Variants in LGALS4 observed in about 807,000 individuals in gnomAD.
The protein encoded by LGALS4 is galectin 4.
A neutral mutation model predicts 39.6 loss-of-function variants in LGALS4; 37 were observed. The ratio of observed to expected loss-of-function variants is 0.93; its 90% CI spans 0.72 to 1.23. The LOEUF (loss-of-function observed/expected upper bound fraction) is 1.23. LGALS4 is among the 50% of genes most tolerant of loss of function. The pLI is 0.00. For synonymous variants in LGALS4, 160 were observed against 165.5 expected, an observed-to-expected ratio of 0.97 and a Z score of 0.25; for missense variants, 397 against 433.2, an observed-to-expected ratio of 0.92 and a Z score of 0.74.
intron 1 of LGALS4, 137 bp from the exon 2 acceptor site, chr19:38,812,656 C>T (rs1971508579): frequency 2.1e-6 from 2 of 960,682 alleles, no homozygotes; most frequent in South Asian, 1.4e-5. Context: ...ATGACGAGGG[C>T]CAACAGTTAG....
chr19:38,802,112 C>G lies in LGALS4; in HGVS notation c.705G>C (p.Leu235=), dbSNP rs1169525858. The change falls in exon 9 of 10, where the codon CTG becomes CTC. Residue 235 remains leucine (L), a synonymous_variant. Coordinates refer to ENST00000307751, the MANE Select transcript of LGALS4 (RefSeq NM_006149.4). ...FKVGSSGDIA[L]HINPRMGNGT... ...CGTTGCCCATGCGGGGATTAATGTG[C>G]AGAGCTATGTCCCCTGAGGAGCCCA... is the stretch of plus-strand genomic sequence containing the variant. The G allele has an allele frequency of 3.1e-6, 5 of 1,614,152 alleles. No homozygotes were observed. The highest frequency in any genetic ancestry group is 2.5e-6 in the Non-Finnish European group (3 of 1,180,016).
chr19:38,803,404 T>C, intron 7 of LGALS4, 118 bp downstream of exon 7: 1 of 1,013,006 alleles, frequency 9.9e-7, no homozygotes, highest in Non-Finnish European at 1.5e-6. Flanking sequence ...GAACTCTATC[T>C]ACCCTTCCCC....
At chr19:38,806,319 G>C (rs1461963625) in intron 4 of LGALS4, 142 bp downstream of exon 4, 1 of 858,136 alleles carries the variant, frequency 1.2e-6, no homozygotes, top group African/African-American at 1.7e-5. Context: ...AGTGAGCCAA[G>C]ATCGCGCCAC....
chr19:38,802,716 C>T (rs560273744), intron 7 of LGALS4, among the ~76,000 whole-genome samples: 7 of 151,958 alleles, frequency 4.6e-5, no homozygotes, highest in African/African-American at 9.7e-5. Flanking sequence ...CTCCCTCTGA[C>T]GCCCAGGCTG....
chr19:38,808,121 AAAATAAAT>A (rs968826130), intron 3 of LGALS4, among the ~76,000 whole-genome samples: 1 of 151,666 alleles, frequency 6.6e-6, no homozygotes, highest in Non-Finnish European at 1.5e-5. Context: ...TCAATAAATA[AAAATAAAT>A]AAATAAATAA....
rs1315229438 is a variant in LGALS4 at position 38,805,169 on chromosome 19, TAATAA to T, written c.475-1279_475-1275del. Among the ~76,000 whole-genome samples, 243 of 64,264 alleles carry T rather than the reference TAATAA, an allele frequency of 3.8e-3. 1 individual carries two copies. The highest frequency in any genetic ancestry group is 9.8e-3 in the African/African-American group (206 of 20,926). 42.2% of individuals were successfully genotyped at this position (64,264 alleles called of 152,430 possible). A position where few individuals can be genotyped will look rare whatever the true frequency, so the allele number is the denominator to read the frequency against. ...ACAGAGCCAGACCCTGCCTCAAAAA[TAATAA>T]TAATAATAATAATAATAATAATAAT... On this transcript the variant is annotated intron_variant, in intron 4 of 9. Coordinates refer to ENST00000307751, the MANE Select transcript of LGALS4 (RefSeq NM_006149.4).
chr19:38,803,808 G>A, intron 5 of LGALS4, 28 bp from the exon 6 acceptor site: 1 of 1,613,752 alleles, frequency 6.2e-7, no homozygotes, highest in Non-Finnish European at 8.5e-7. Flanking sequence ...GGCAGGAAGG[G>A]TGAGAGGGGC....
chr19:38,806,120 C>T (rs1280089604), intron 4 of LGALS4, among the ~76,000 whole-genome samples: 3 of 152,086 alleles, frequency 2.0e-5, no homozygotes, highest in Non-Finnish European at 4.4e-5. Context: ...GTAATCCCAG[C>T]ACTTTGGGAA....
At chr19:38,812,735 C>T in intron 1 of LGALS4, 107 bp downstream of exon 1, 3 of 1,268,766 alleles carry the variant, frequency 2.4e-6, no homozygotes, top group Non-Finnish European at 3.4e-6. Context: ...TTGGGTAAAT[C>T]AGACCACAGA....
chr19:38,809,046 C>G, intron 2 of LGALS4, 98 bp from the exon 3 acceptor site: 1 of 1,015,740 alleles, frequency 9.8e-7, no homozygotes, highest in African/African-American at 1.6e-5. Flanking sequence ...TCCTCGGCCT[C>G]CCTGGCCCGG....
At position 38,802,090 on chromosome 19, in the gene LGALS4, T is replaced by C; in HGVS notation, c.727A>G (p.Asn243Asp). The change falls in exon 9 of 10, where the codon AAC (asparagine) becomes GAC (aspartate). Residue 243 changes from asparagine to aspartate, a missense_variant. Asn to Asp is a conservative substitution (Grantham distance 23). Coordinates refer to ENST00000307751, the MANE Select transcript of LGALS4 (RefSeq NM_006149.4). ...IALHINPRMGNGTVVRNSLLN... is the reference protein window; with the variant it reads ...IALHINPRMGDGTVVRNSLLN... ...AGGCTGTTCCGGACCACGGTACCGT[T>C]GCCCATGCGGGGATTAATGTGCAGA... 6.2e-7 allele frequency: 1 copy of C among 1,614,130 alleles called. No homozygotes were observed.
At chr19:38,803,981 C>CCCA (rs903757990) in intron 4 of LGALS4, 86 bp from the exon 5 acceptor site, 4 of 1,388,808 alleles carry the variant, frequency 2.9e-6, no homozygotes, top group Non-Finnish European at 4.0e-6. Flanking sequence ...CCTGGGGTGG[C>CCCA]CCACCACCAC....
intron 2 of LGALS4, among the ~76,000 whole-genome samples, chr19:38,811,002 A>G (rs1971487306): frequency 6.7e-6 from 1 of 149,202 alleles, no homozygotes; most frequent in Non-Finnish European, 1.5e-5. Flanking sequence ...CCCAGGTTCA[A>G]GTGATTCTCC....
intron 7 of LGALS4, 132 bp downstream of exon 7, chr19:38,803,390 C>A (rs531270009): frequency 1.1e-6 from 1 of 878,860 alleles, no homozygotes; most frequent in Non-Finnish European, 1.8e-6. Flanking sequence ...CTAAACCTGA[C>A]CACGAACTCT....
rs765688505 is a variant in LGALS4, at chr19:38,808,846, C to T, written c.237G>A (p.Leu79=). 1.2e-6 allele frequency: 2 copies of T among 1,614,052 alleles called. No individual in the cohort carries two copies. Among genetic ancestry groups the T allele is most frequent in the African/African-American group, 2.7e-5 (2 of 74,926 alleles). Residue 79 remains leucine (L), a synonymous_variant, in exon 3 of 10, where the codon TTG becomes TTA. Transcript: ENST00000307751. ...DGWDKVVFNT[L]QGGKWGSEER... ...CCTCGCTGCCCCACTTCCCGCCCTG[C>T]AACGTGTTGAAGACCACCTTGTCCC...
intron 2 of LGALS4, among the ~76,000 whole-genome samples, chr19:38,810,463 C>T (rs369550705): frequency 7.4e-5 from 11 of 149,036 alleles, no homozygotes; most frequent in Admixed American, 2.7e-4. Flanking sequence ...CCTGGTTTCA[C>T]GCCATTCTCC....
rs150301732 is a variant in LGALS4, at chr19:38,812,481, G to A, written c.84C>T (p.Asn28=). Residue 28 remains asparagine, a synonymous_variant, in exon 2 of 10, where the codon AAC becomes AAT. Coordinates refer to ENST00000307751, the MANE Select transcript of LGALS4 (RefSeq NM_006149.4). ...PYYQPIPGGL[N]VGMSVYIQGV... ...CTTGGATGTAAACAGACATTCCCAC[G>A]TTGAGCCCGCCCGGGATGGGCTGGT... is the stretch of plus-strand genomic sequence containing the variant. 1.8e-5 allele frequency: 29 copies of A among 1,614,186 alleles called. No individual in the cohort carries two copies. Among genetic ancestry groups the A allele is most frequent in the East Asian group, 2.2e-5 (1 of 44,882 alleles).
intron 4 of LGALS4, among the ~76,000 whole-genome samples, chr19:38,804,622 C>A (rs905603357): frequency 1.3e-5 from 2 of 152,064 alleles, no homozygotes; most frequent in African/African-American, 4.8e-5. Flanking sequence ...CTCCATTCTG[C>A]CTTGACTTCT....
At position 38,803,570 on chromosome 19, in the gene LGALS4, G is replaced by A. The variant is rs1971386538; in HGVS notation, c.541-19C>T. On this transcript the variant is annotated intron_variant, in intron 6 of 9. Coordinates refer to ENST00000307751, the MANE Select transcript of LGALS4 (RefSeq NM_006149.4). ...CCATGGTCTGTGAAGTGAGGAAGAAGCGATATTATTCTCCAAGAGTCGACA... is the reference window on the plus strand; with the variant it reads ...CCATGGTCTGTGAAGTGAGGAAGAAACGATATTATTCTCCAAGAGTCGACA... The A allele has an allele frequency of 1.2e-5, 20 of 1,613,568 alleles. No homozygotes were observed. The highest frequency in any genetic ancestry group is 1.7e-5 in the Non-Finnish European group (20 of 1,179,610).
Sources: allele counts gnomAD v4.1 joint callset (sites outside exome capture counted in the v4.1 genomes callset), GRCh38; gene constraint gnomAD v4.1.1; transcripts MANE v1.5; gene names NCBI Gene and HGNC (gene_info 2026-07-23, HGNC 2026-07-21).